The following LHFPL2 variants were observed in gnomAD, a reference collection of about 807,000 sequenced individuals.
The protein encoded by LHFPL2 is LHFPL tetraspan subfamily member 2 protein.
A neutral mutation model predicts 17.5 loss-of-function variants in LHFPL2; 7 were observed. The observed-to-expected ratio is 0.40, with a 90% confidence interval of 0.23 to 0.75. The LOEUF is 0.75. LHFPL2 is among the 30% of genes least tolerant of loss of function. LHFPL2 has a pLI of 0.37. For missense variants in LHFPL2, 241 were observed against 294.8 expected (o/e 0.82, Z 1.34); for synonymous variants, 134 against 116.2 (o/e 1.15, Z -0.99).
At chr5:78,575,665 A>G (rs1757111022) in intron 2 of LHFPL2, among the ~76,000 whole-genome samples, 3 of 152,256 alleles carry the variant, frequency 2.0e-5, no homozygotes, top group Non-Finnish European at 4.4e-5. Flanking sequence ...AAAATGGAAC[A>G]AGCAAAGAAA....
At position 78,502,387 on chromosome 5, in the gene LHFPL2, G is replaced by A. The variant is rs182617395; in HGVS notation, c.430+7397C>T. On this transcript the variant is annotated intron_variant, in intron 4 of 4. Transcript: ENST00000380345. ...GTTTAAAAGCAAATTACTTCTGCTA[G>A]CAGTTTTTAAAGCCTTAACTCTAGA... is the stretch of plus-strand genomic sequence containing the variant. 2.6e-5 allele frequency among the ~76,000 whole-genome samples: 4 copies of A among 152,320 alleles called. 1 individual carries two copies. In the South Asian group the frequency reaches 6.2e-4, roughly 24 times the overall value.
intron 3 of LHFPL2, among the ~76,000 whole-genome samples, chr5:78,514,904 C>T (rs1281187077): frequency 6.6e-6 from 1 of 152,166 alleles, no homozygotes; most frequent in Non-Finnish European, 1.5e-5. Context: ...TACCCAACAC[C>T]CAGATTCAAC....
intron 3 of LHFPL2, among the ~76,000 whole-genome samples, chr5:78,554,209 A>G (rs1038912085): frequency 1.1e-4 from 16 of 152,266 alleles, no homozygotes; most frequent in Non-Finnish European, 1.6e-4. Context: ...CGCCTGCTGC[A>G]CCTCAAGCCC....
intron 3 of LHFPL2, among the ~76,000 whole-genome samples, chr5:78,525,056 T>C (rs1390967683): frequency 6.6e-6 from 1 of 152,172 alleles, no homozygotes; most frequent in East Asian, 1.9e-4. Flanking sequence ...GTCCTATAAA[T>C]TGAAGGATGG....
chr5:78,615,048 C>T (rs529209644), intron 2 of LHFPL2, among the ~76,000 whole-genome samples: 18 of 152,332 alleles, frequency 1.2e-4, no homozygotes, highest in African/African-American at 3.8e-4. Context: ...CCATAAACTG[C>T]AGAAGAGACT....
intron 2 of LHFPL2, among the ~76,000 whole-genome samples, chr5:78,629,377 TC>T (rs1745166956): frequency 6.6e-6 from 1 of 152,220 alleles, no homozygotes; most frequent in Non-Finnish European, 1.5e-5. Context: ...GACAAACTGG[TC>T]ACCCAATCAC....
chr5:78,645,365 T>C (rs1745828005), intron 1 of LHFPL2, among the ~76,000 whole-genome samples: 1 of 151,844 alleles, frequency 6.6e-6, no homozygotes, highest in South Asian at 2.1e-4. Flanking sequence ...CCCTAGGTAT[T>C]TGCTGAATGA....
At chr5:78,643,466 C>T (rs1242222583) in intron 1 of LHFPL2, among the ~76,000 whole-genome samples, 1 of 152,010 alleles carries the variant, frequency 6.6e-6, no homozygotes, top group Non-Finnish European at 1.5e-5. Flanking sequence ...CTTTGCCTTT[C>T]TAAGGCTGAC....
intron 4 of LHFPL2, among the ~76,000 whole-genome samples, chr5:78,494,891 A>G (rs1754556316): frequency 6.6e-6 from 1 of 152,186 alleles, no homozygotes; most frequent in African/African-American, 2.4e-5. Context: ...TGTGTTCCCA[A>G]TGCAAACGTA....
intron 3 of LHFPL2, among the ~76,000 whole-genome samples, chr5:78,556,724 A>C (rs957624302): frequency 1.3e-5 from 2 of 152,238 alleles, no homozygotes; most frequent in African/African-American, 4.8e-5. Flanking sequence ...ACATGAGGAA[A>C]TATTTATAAT....
At chr5:78,495,722 C>G (rs566828908) in intron 4 of LHFPL2, among the ~76,000 whole-genome samples, 13 of 152,308 alleles carry the variant, frequency 8.5e-5, no homozygotes, top group African/African-American at 3.1e-4. Flanking sequence ...GAGTTCACAG[C>G]AGACAATTGA....
intron 3 of LHFPL2, among the ~76,000 whole-genome samples, chr5:78,515,719 T>C (rs1755272385): frequency 6.6e-6 from 1 of 152,188 alleles, no homozygotes; most frequent in Non-Finnish European, 1.5e-5. Context: ...ATCAAACTTT[T>C]TGGATGGTGC....
chr5:78,582,633 G>A (rs921082509), intron 2 of LHFPL2, among the ~76,000 whole-genome samples: 8 of 152,056 alleles, frequency 5.3e-5, no homozygotes, highest in Admixed American at 2.0e-4. Flanking sequence ...TAGTTTGATT[G>A]CACTGTGGTC....
intron 2 of LHFPL2, among the ~76,000 whole-genome samples, chr5:78,568,809 T>C (rs1756924026): frequency 6.6e-6 from 1 of 152,162 alleles, no homozygotes; most frequent in South Asian, 2.1e-4. Context: ...ACAGCAAGAA[T>C]GGGAGCTTCA....
At chr5:78,638,900 G>T (rs928856002) in intron 1 of LHFPL2, among the ~76,000 whole-genome samples, 1 of 152,182 alleles carries the variant, frequency 6.6e-6, no homozygotes, top group African/African-American at 2.4e-5. Flanking sequence ...CATGATCAAG[G>T]TTTCAAAAAT....
intron 4 of LHFPL2, among the ~76,000 whole-genome samples, chr5:78,499,291 C>T (rs1754700175): frequency 6.6e-6 from 1 of 152,214 alleles, no homozygotes; most frequent in South Asian, 2.1e-4. Context: ...CTTACACTAA[C>T]AATGGGAGCA....
At chr5:78,498,704 C>A (rs1561306389) in intron 4 of LHFPL2, among the ~76,000 whole-genome samples, 1 of 152,136 alleles carries the variant, frequency 6.6e-6, no homozygotes, top group Non-Finnish European at 1.5e-5. Context: ...AGACACTCTG[C>A]AGTACTGATC....
intron 3 of LHFPL2, among the ~76,000 whole-genome samples, chr5:78,540,933 C>T (rs1756093562): frequency 6.6e-6 from 1 of 152,272 alleles, no homozygotes; most frequent in African/African-American, 2.4e-5. Context: ...CTGTGACTTA[C>T]CTGTGTCCTT....
At chr5:78,507,337 A>G (rs565409514) in intron 4 of LHFPL2, among the ~76,000 whole-genome samples, 34 of 152,036 alleles carry the variant, frequency 2.2e-4, no homozygotes, top group Non-Finnish European at 4.3e-4. Flanking sequence ...CTTAAAAAAA[A>G]AAAAGAAAAG....
Sources: allele counts gnomAD v4.1 joint callset (sites outside exome capture counted in the v4.1 genomes callset), GRCh38; gene constraint gnomAD v4.1.1; transcripts MANE v1.5; gene names NCBI Gene and HGNC (gene_info 2026-07-23, HGNC 2026-07-21).